The following RNF24 variants were observed in gnomAD, a reference collection of about 807,000 sequenced individuals.
The protein encoded by RNF24 is ring finger protein 24.
Under a neutral mutation model 20.0 loss-of-function variants are expected in RNF24, and 14 were observed. That is an observed-to-expected ratio of 0.70 (90% CI 0.46 to 1.10). The LOEUF (loss-of-function observed/expected upper bound fraction) is 1.10. Ranked by LOEUF, RNF24 falls within the 50% of genes least tolerant of loss-of-function variation. The pLI is 0.00. For missense variants in RNF24, 124 were observed against 177.6 expected (o/e 0.70, Z 1.71); for synonymous variants, 45 against 61.1 (o/e 0.74, Z 1.23).
intron 1 of RNF24, among the ~76,000 whole-genome samples, chr20:3,990,939 C>A (rs1299497562): frequency 3.5e-5 from 5 of 142,088 alleles, no homozygotes; most frequent in African/African-American, 1.2e-4. Flanking sequence ...AAGTAAAAAA[C>A]AAAACAAAAC....
intron 3 of RNF24, among the ~76,000 whole-genome samples, chr20:3,945,732 A>AG (rs397755549): frequency 2.0e-5 from 3 of 151,766 alleles, no homozygotes; most frequent in South Asian, 2.1e-4. Context: ...AAAAAAAAAA[A>AG]GTAAGTCAAT....
At chr20:4,008,376 A>AATATATAATATG (rs1555803315) in intron 1 of RNF24, among the ~76,000 whole-genome samples, 71 of 35,608 alleles carry the variant, frequency 2.0e-3, no homozygotes, top group African/African-American at 0.01. Flanking sequence ...TATATTATAT[A>AATATATAATATG]TATAATATAT....
At chr20:3,950,001 T>G (rs1027824778) in intron 2 of RNF24, among the ~76,000 whole-genome samples, 18 of 152,318 alleles carry the variant, frequency 1.2e-4, no homozygotes, top group East Asian at 1.9e-4. Context: ...CATATAGACT[T>G]TCATTTGCCT....
intron 4 of RNF24, among the ~76,000 whole-genome samples, chr20:3,941,840 G>C (rs966628309): frequency 6.6e-6 from 1 of 152,080 alleles, no homozygotes; most frequent in African/African-American, 2.4e-5. Flanking sequence ...CTAAGAGGCC[G>C]AGGGGGGCAG....
At chr20:3,937,677 C>T (rs1165785698) in intron 4 of RNF24, among the ~76,000 whole-genome samples, 3 of 151,288 alleles carry the variant, frequency 2.0e-5, no homozygotes, top group South Asian at 2.1e-4. Flanking sequence ...TTTGTCTACT[C>T]GGGACATTTC....
chr20:4,012,980 A>G (rs1982581709), intron 1 of RNF24, among the ~76,000 whole-genome samples: 1 of 151,316 alleles, frequency 6.6e-6, no homozygotes, highest in South Asian at 2.1e-4. Context: ...TTACTTCAAC[A>G]TTAGTGACTT....
intron 1 of RNF24, among the ~76,000 whole-genome samples, chr20:3,979,025 C>T (rs890283775): frequency 6.7e-6 from 1 of 149,304 alleles, no homozygotes; most frequent in African/African-American, 2.5e-5. Context: ...ACTCGGAAGG[C>T]GGAGGGTGCA....
intron 1 of RNF24, among the ~76,000 whole-genome samples, chr20:3,965,497 T>C (rs774832515): frequency 5.3e-5 from 8 of 152,210 alleles, no homozygotes; most frequent in Admixed American, 1.3e-4. Context: ...TAATGGGTAA[T>C]ATTTAATTTT....
intron 4 of RNF24, among the ~76,000 whole-genome samples, chr20:3,941,689 G>T (rs2090956938): frequency 1.3e-5 from 2 of 152,090 alleles, no homozygotes; most frequent in Non-Finnish European, 2.9e-5. Flanking sequence ...CCAATTAAAA[G>T]ACATATTGGC....
At chr20:3,972,997 G>A (rs1978505927) in intron 1 of RNF24, among the ~76,000 whole-genome samples, 1 of 152,002 alleles carries the variant, frequency 6.6e-6, no homozygotes, top group Non-Finnish European at 1.5e-5. Context: ...GAGGTTAGGA[G>A]TTTGAGACCA....
At chr20:4,000,035 G>A (rs1981259008) in intron 1 of RNF24, among the ~76,000 whole-genome samples, 2 of 152,088 alleles carry the variant, frequency 1.3e-5, no homozygotes, top group Admixed American at 6.6e-5. Context: ...GGGGACTGAG[G>A]AGCGAAGGCC....
At chr20:3,979,050 C>G (rs1053338080) in intron 1 of RNF24, among the ~76,000 whole-genome samples, 1 of 149,212 alleles carries the variant, frequency 6.7e-6, no homozygotes, top group African/African-American at 2.5e-5. Context: ...GCCAAGATCG[C>G]GCCACTGCAC....
intron 2 of RNF24, among the ~76,000 whole-genome samples, chr20:3,951,119 C>T (rs1390409601): frequency 6.6e-6 from 1 of 152,118 alleles, no homozygotes; most frequent in East Asian, 1.9e-4. Flanking sequence ...ACATGCCCGG[C>T]TAATTTTTTT....
intron 1 of RNF24, among the ~76,000 whole-genome samples, chr20:3,984,886 C>A (rs1184842319): frequency 6.6e-6 from 1 of 151,106 alleles, no homozygotes; most frequent in Admixed American, 6.6e-5. Flanking sequence ...GGTATTTTGT[C>A]TTTAAGTACC....
intron 1 of RNF24, among the ~76,000 whole-genome samples, chr20:3,975,183 T>C (rs1161748983): frequency 2.6e-5 from 4 of 152,222 alleles, no homozygotes; most frequent in African/African-American, 9.6e-5. Context: ...CAACAATTAG[T>C]GCTGGACCAA....
At chr20:4,006,788 T>C (rs901318997) in intron 1 of RNF24, among the ~76,000 whole-genome samples, 1 of 152,212 alleles carries the variant, frequency 6.6e-6, no homozygotes, top group Non-Finnish European at 1.5e-5. Flanking sequence ...TTAGGGCACA[T>C]GGAGGGCCCA....
chr20:3,952,697 T>G (rs1373678180), intron 2 of RNF24, among the ~76,000 whole-genome samples: 1 of 152,090 alleles, frequency 6.6e-6, no homozygotes, highest in Non-Finnish European at 1.5e-5. Context: ...TTTAGATATT[T>G]TTTGTAGATA....
chr20:3,985,620 T>A (rs555753323), intron 1 of RNF24, among the ~76,000 whole-genome samples: 24 of 152,314 alleles, frequency 1.6e-4, no homozygotes, highest in Admixed American at 3.9e-4. Context: ...AATTGAAGTT[T>A]GTCTACTTGA....
intron 1 of RNF24, among the ~76,000 whole-genome samples, chr20:3,979,656 C>CA (rs1979217578): frequency 6.6e-6 from 1 of 152,002 alleles, no homozygotes; most frequent in South Asian, 2.1e-4. Flanking sequence ...ACCTAGGTGA[C>CA]AAGAGTGAAA....
Sources: gnomAD v4.1 joint callset for allele counts (sites outside exome capture counted in the v4.1 genomes callset) on GRCh38, gnomAD v4.1.1 for gene constraint, MANE v1.5 for transcripts, NCBI Gene and HGNC (gene_info 2026-07-23, HGNC 2026-07-21) for gene names.